The following SCFD2 variants were observed in gnomAD, a reference collection of about 807,000 sequenced individuals.
SCFD2 encodes sec1 family domain containing 2.
Under a neutral mutation model 58.9 loss-of-function variants are expected in SCFD2, and 54 were observed. That is an observed-to-expected ratio of 0.92 (90% CI 0.74 to 1.15). SCFD2 has a LOEUF of 1.15. Among genes scored for constraint, SCFD2 ranks in the 50% most tolerant of loss-of-function variants. SCFD2 has a pLI of 0.00. For missense variants in SCFD2, 805 were observed against 836.6 expected (o/e 0.96, Z 0.47); for synonymous variants, 321 against 335.9 (o/e 0.96, Z 0.49).
chr4:53,143,845 TGTG>T (rs1429450394), intron 5 of SCFD2, among the ~76,000 whole-genome samples: 6 of 151,336 alleles, frequency 4.0e-5, no homozygotes, highest in Admixed American at 3.3e-4. Context: ...TGAATAGAAA[TGTG>T]GTACATTTTT....
chr4:53,273,871 A>T lies in SCFD2; in HGVS notation c.1266T>A (p.Thr422=). The change falls in exon 4 of 9, where the codon ACT becomes ACA. Residue 422 remains threonine, a synonymous_variant. Transcript: ENST00000401642. Reference sequence around the variant, plus strand: ...AAGCCAGAAAGTTGTCCCACTTGGCAGTCTGTGGGTGTTTCAACGTTTGAG... The same window carrying T: ...AAGCCAGAAAGTTGTCCCACTTGGCTGTCTGTGGGTGTTTCAACGTTTGAG... ...ATAQTLKHPQ[T]AKWDNFLAFE... 1.2e-6 allele frequency: 2 copies of T among 1,613,644 alleles called. No individual in the cohort carries two copies. The highest frequency in any genetic ancestry group is 1.1e-5 in the South Asian group (1 of 90,916).
intron 4 of SCFD2, among the ~76,000 whole-genome samples, chr4:53,217,674 A>G (rs1032169496): frequency 6.6e-5 from 10 of 152,136 alleles, no homozygotes; most frequent in Non-Finnish European, 1.0e-4. Context: ...TGTGAATTTG[A>G]TCCTGTCAGT....
chr4:52,956,074 C>T lies in SCFD2; in HGVS notation c.1562-35204G>A, dbSNP rs1489006822. The T allele has an allele frequency of 8.8e-6, 4 of 456,650 alleles. No homozygotes were observed. The East Asian group carries it at 2.1e-4, about 24-fold the overall frequency. 28.3% of individuals were successfully genotyped at this position (456,650 alleles called of 1,614,324 possible). A position where few individuals can be genotyped will look rare whatever the true frequency, so the allele number is the denominator to read the frequency against. On this transcript the variant is annotated intron_variant, in intron 5 of 8. Transcript: ENST00000401642. ...GCTATGGGGGTCCCACTCTCCCTCC[C>T]AGCTTGAGGTCTCTGAGATGCAACA... is the stretch of plus-strand genomic sequence containing the variant.
At position 53,003,890 on chromosome 4, in the gene SCFD2, C is replaced by T. The variant is rs867101728; in HGVS notation, c.1562-83020G>A. On this transcript the variant is annotated intron_variant, in intron 5 of 8. Coordinates refer to ENST00000401642, the MANE Select transcript of SCFD2 (RefSeq NM_152540.4). ...GGGTAGGCTGAAATGTAGGGGAAGA[C>T]GAAAAGGGCACAATAACAGTTTTCA... Among the ~76,000 whole-genome samples the T allele has an allele frequency of 1.8e-4, 28 of 152,170 alleles. 1 individual carries two copies. The Middle Eastern group carries it at 0.014, about 74-fold the overall frequency.
chr4:53,205,855 G>T (rs1250217997), intron 4 of SCFD2, among the ~76,000 whole-genome samples: 1 of 148,096 alleles, frequency 6.8e-6, no homozygotes, highest in Non-Finnish European at 1.5e-5. Flanking sequence ...GAGCGAGACT[G>T]TCTCAAAAAA....
chr4:52,885,897 G>A (rs368717121), intron 7 of SCFD2, 31 bp from the exon 8 acceptor site: 107 of 1,612,704 alleles, frequency 6.6e-5, no homozygotes, highest in Non-Finnish European at 8.6e-5. Flanking sequence ...AATATCAGAT[G>A]GATGGCAGTG....
At chr4:53,087,764 G>A (rs190131524) in intron 5 of SCFD2, among the ~76,000 whole-genome samples, 1,736 of 149,254 alleles carry the variant, frequency 0.012, 17 homozygotes, top group Middle Eastern at 0.034. Flanking sequence ...GGTTTCAAGC[G>A]ATTTTCCTGC....
intron 5 of SCFD2, among the ~76,000 whole-genome samples, chr4:53,024,136 G>A (rs1322603363): frequency 6.6e-6 from 1 of 152,114 alleles, no homozygotes; most frequent in Non-Finnish European, 1.5e-5. Context: ...TCTTGTGGCT[G>A]CGCTTCTAAA....
intron 7 of SCFD2, among the ~76,000 whole-genome samples, chr4:52,900,032 A>T (rs1432895219): frequency 6.6e-6 from 1 of 152,022 alleles, no homozygotes; most frequent in Non-Finnish European, 1.5e-5. Flanking sequence ...TGCATTGGTT[A>T]TTGTAGTTAT....
intron 5 of SCFD2, among the ~76,000 whole-genome samples, chr4:53,082,276 C>T (rs1724170386): frequency 6.6e-6 from 1 of 152,126 alleles, no homozygotes; most frequent in Non-Finnish European, 1.5e-5. Flanking sequence ...AACCATTTTC[C>T]AGTCTAGCTC....
rs1731162431 is a variant in SCFD2, at chr4:53,271,415, A to G, written c.1311+2411T>C. ...ATTTATGATGTGGTTTAAAGGAATG[A>G]GCTAGATCTACATACATCACTTTAT... On this transcript the variant is annotated intron_variant, in intron 4 of 8. Transcript: ENST00000401642. Among the ~76,000 whole-genome samples the G allele has an allele frequency of 2.6e-5, 4 of 151,196 alleles. No homozygotes were observed. The Admixed American group carries it at 2.7e-4, about 10-fold the overall frequency.
intron 5 of SCFD2, among the ~76,000 whole-genome samples, chr4:53,071,015 TAA>T (rs1252560850): frequency 6.6e-6 from 1 of 152,126 alleles, no homozygotes; most frequent in East Asian, 1.9e-4. Context: ...GATATAAGCA[TAA>T]GTGTCATATT....
intron 3 of SCFD2, among the ~76,000 whole-genome samples, chr4:53,297,010 T>C (rs1157250223): frequency 6.6e-6 from 1 of 152,196 alleles, no homozygotes; most frequent in African/African-American, 2.4e-5. Context: ...AGAATGTTTG[T>C]TATGATTTCT....
chr4:53,352,518 TCC>T, intron 2 of SCFD2, 78 bp downstream of exon 2: 2 of 1,156,402 alleles, frequency 1.7e-6, no homozygotes, highest in Non-Finnish European at 1.2e-6. Context: ...ATTGCTTTTT[TCC>T]TATGGGAATA....
chr4:52,946,467 A>G (rs1720430717), intron 5 of SCFD2, among the ~76,000 whole-genome samples: 1 of 152,156 alleles, frequency 6.6e-6, no homozygotes, highest in Non-Finnish European at 1.5e-5. Flanking sequence ...AAAAAATTTG[A>G]TGAAAATACC....
chr4:53,100,858 C>T (rs1724812708), intron 5 of SCFD2, among the ~76,000 whole-genome samples: 1 of 152,066 alleles, frequency 6.6e-6, no homozygotes, highest in South Asian at 2.1e-4. Flanking sequence ...AAATGGTTTG[C>T]AAGTTTTCAT....
intron 5 of SCFD2, among the ~76,000 whole-genome samples, chr4:53,076,715 C>A (rs1311413180): frequency 6.6e-6 from 1 of 152,144 alleles, no homozygotes; most frequent in African/African-American, 2.4e-5. Context: ...ATTTAATGAA[C>A]CTTTAAATGG....
intron 5 of SCFD2, among the ~76,000 whole-genome samples, chr4:53,024,488 T>C (rs1269791718): frequency 2.6e-5 from 4 of 152,158 alleles, no homozygotes; most frequent in East Asian, 1.9e-4. Flanking sequence ...CTATAAATAG[T>C]TGAATGAATA....
At chr4:53,137,892 A>C (rs1180692577) in intron 5 of SCFD2, among the ~76,000 whole-genome samples, 1 of 152,194 alleles carries the variant, frequency 6.6e-6, no homozygotes, top group East Asian at 1.9e-4. Flanking sequence ...GTTTGCTCCT[A>C]ATAGGTCAGA....
Sources: allele counts gnomAD v4.1 joint callset (sites outside exome capture counted in the v4.1 genomes callset), GRCh38; gene constraint gnomAD v4.1.1; transcripts MANE v1.5; gene names NCBI Gene and HGNC (gene_info 2026-07-23, HGNC 2026-07-21).